The following ANXA8 variants were observed in gnomAD, a reference collection of about 807,000 sequenced individuals.
ANXA8 encodes VAC-beta.
In ANXA8, 9 loss-of-function variants were observed where a neutral mutation model predicts 26.8. The ratio of observed to expected loss-of-function variants is 0.34; its 90% CI spans 0.20 to 0.59. ANXA8 has a LOEUF of 0.59. Among genes scored for constraint, ANXA8 ranks in the 20% least tolerant of loss-of-function variants. The pLI is 0.84. For synonymous variants in ANXA8, 39 were observed against 94.8 expected (o/e 0.41, Z 3.42); for missense variants, 83 against 238.5 (o/e 0.35, Z 4.29).
chr10:47,493,642 CTGT>C, the ANXA8 span, among the ~76,000 whole-genome samples: 2 of 151,104 alleles, frequency 1.3e-5, no homozygotes, highest in East Asian at 3.9e-4. Flanking sequence ...CCCAGACAGC[CTGT>C]TGTCAGAGCT....
the ANXA8 span, among the ~76,000 whole-genome samples, chr10:47,944,377 G>A: frequency 6.7e-6 from 1 of 149,336 alleles, no homozygotes; most frequent in African/African-American, 2.5e-5. Context: ...CTGGCTTCCG[G>A]ACTCTGCTCC....
At chr10:47,726,835 C>T in the ANXA8 span, 1 of 1,383,450 alleles carries the variant, frequency 7.2e-7, no homozygotes, top group African/African-American at 1.4e-5. Context: ...GTTTACTCTT[C>T]TGTAGGCCAG....
chr10:47,676,716 G>A, the ANXA8 span, among the ~76,000 whole-genome samples: 134 of 151,484 alleles, frequency 8.8e-4, no homozygotes, highest in Admixed American at 7.4e-3. Context: ...TCAAGAGGTC[G>A]AGACCATCCT....
the ANXA8 span, among the ~76,000 whole-genome samples, chr10:47,974,781 T>C: frequency 6.7e-6 from 1 of 149,364 alleles, no homozygotes; most frequent in African/African-American, 2.4e-5. Flanking sequence ...ATTTCAATTT[T>C]TTAAAATTTA....
At chr10:47,979,413 G>T in the ANXA8 span, among the ~76,000 whole-genome samples, 5 of 151,520 alleles carry the variant, frequency 3.3e-5, no homozygotes, top group African/African-American at 1.2e-4. Flanking sequence ...ATCTTGTCAT[G>T]AGAAGAATAG....
the ANXA8 span, among the ~76,000 whole-genome samples, chr10:47,766,484 T>C: frequency 1.3e-4 from 1 of 7,614 alleles, no homozygotes; most frequent in African/African-American, 5.4e-4. Flanking sequence ...GCAGGCCTGA[T>C]GTACACGATC....
the ANXA8 span, among the ~76,000 whole-genome samples, chr10:47,585,343 G>T: frequency 7.3e-6 from 1 of 136,176 alleles, no homozygotes; most frequent in Non-Finnish European, 1.5e-5. Context: ...TAGTTCCTCA[G>T]ATCAGAACTG....
At chr10:47,470,352 G>GT (rs1329022727) in intron 11 of ANXA8, among the ~76,000 whole-genome samples, 4 of 146,562 alleles carry the variant, frequency 2.7e-5, no homozygotes, top group Admixed American at 6.8e-5. Flanking sequence ...CTCTGATGCC[G>GT]TAAGTTACCA....
the ANXA8 span, among the ~76,000 whole-genome samples, chr10:47,979,554 C>A: frequency 1.3e-5 from 2 of 151,226 alleles, no homozygotes; most frequent in African/African-American, 4.9e-5. Flanking sequence ...TTGGGTGGGC[C>A]CAATCAAAAT....
chr10:47,673,228 C>G, the ANXA8 span, among the ~76,000 whole-genome samples: 2 of 151,704 alleles, frequency 1.3e-5, no homozygotes, highest in Non-Finnish European at 2.9e-5. Context: ...AAGCCTGGGC[C>G]AGTGACGAAC....
chr10:47,589,338 C>T, the ANXA8 span: 16 of 147,064 alleles, frequency 1.1e-4, 1 homozygote, highest in African/African-American at 3.5e-4. Flanking sequence ...TCTGGCTGGA[C>T]TCCAGGCTGC....
chr10:47,665,138 A>G, the ANXA8 span, among the ~76,000 whole-genome samples: 7 of 149,332 alleles, frequency 4.7e-5, no homozygotes, highest in Non-Finnish European at 8.8e-5. Flanking sequence ...AACCTTCTGT[A>G]CTAACTAGAA....
At chr10:47,716,005 T>C in the ANXA8 span, 10 of 1,252,770 alleles carry the variant, frequency 8.0e-6, no homozygotes, top group Non-Finnish European at 1.1e-5. Context: ...CCGCTCAGCC[T>C]TTCGCGTAGC....
the ANXA8 span, among the ~76,000 whole-genome samples, chr10:47,687,537 T>C: frequency 6.6e-6 from 1 of 151,848 alleles, no homozygotes; most frequent in Non-Finnish European, 1.5e-5. Flanking sequence ...AGTGCTGGGA[T>C]TACAGGCGTG....
chr10:47,744,422 T>TTGGGGGGGGGTGGGGGAAGGGGGGGG, the ANXA8 span, among the ~76,000 whole-genome samples: 4 of 11,728 alleles, frequency 3.4e-4, no homozygotes, highest in Non-Finnish European at 4.4e-4. Flanking sequence ...GGGGGGGGGG[T>TTGGGGGGGGGTGGGGGAAGGGGGGGG]TGGGGGGGAG....
chr10:47,697,007 G>T, the ANXA8 span, among the ~76,000 whole-genome samples: 1 of 151,672 alleles, frequency 6.6e-6, no homozygotes, highest in Non-Finnish European at 1.5e-5. Context: ...GCTAAGAAAA[G>T]CTATCTTTCT....
chr10:47,497,224 GAA>G, the ANXA8 span, among the ~76,000 whole-genome samples: 2 of 140,070 alleles, frequency 1.4e-5, no homozygotes, highest in African/African-American at 5.4e-5. Context: ...GGAGGCTGAG[GAA>G]AGAGAATTGC....
chr10:47,651,263 T>C, the ANXA8 span, among the ~76,000 whole-genome samples: 1 of 139,628 alleles, frequency 7.2e-6, no homozygotes, highest in South Asian at 2.2e-4. Flanking sequence ...AGAATGACTA[T>C]AATAACTTAA....
chr10:47,639,311 ATTAT>A, the ANXA8 span, among the ~76,000 whole-genome samples: 5 of 59,556 alleles, frequency 8.4e-5, no homozygotes, highest in Non-Finnish European at 1.7e-4. Flanking sequence ...TATTATTATT[ATTAT>A]TTTTTTTTTT....
Sources: gnomAD v4.1 joint callset for allele counts (sites outside exome capture counted in the v4.1 genomes callset) on GRCh38, gnomAD v4.1.1 for gene constraint, MANE v1.5 for transcripts, NCBI Gene and HGNC (gene_info 2026-07-23, HGNC 2026-07-21) for gene names.